Variants in PCNX1 observed in about 807,000 individuals in gnomAD.
The protein encoded by PCNX1 is pecanex 1, also known as pecanex-like protein 1.
A neutral mutation model predicts 242.2 loss-of-function variants in PCNX1; 78 were observed. The ratio of observed to expected loss-of-function variants is 0.32; its 90% CI spans 0.27 to 0.39. The LOEUF is 0.39. PCNX1 is among the 10% of genes least tolerant of loss of function. PCNX1 has a pLI of 1.00. For synonymous variants in PCNX1, 1,024 were observed against 1,032.9 expected (o/e 0.99, Z 0.17); for missense variants, 2,581 against 2,856.5 (o/e 0.90, Z 2.20).
At chr14:70,925,644 GCTTGT>G (rs1009248945) in intron 1 of PCNX1, among the ~76,000 whole-genome samples, 5 of 110,556 alleles carry the variant, frequency 4.5e-5, no homozygotes, top group Non-Finnish European at 9.1e-5. Context: ...CTTTTTATTT[GCTTGT>G]CTTAATTTTG....
At chr14:71,042,796 G>T (rs2060748252) in intron 19 of PCNX1, among the ~76,000 whole-genome samples, 1 of 151,940 alleles carries the variant, frequency 6.6e-6, no homozygotes, top group Non-Finnish European at 1.5e-5. Context: ...CATATCCTTT[G>T]TTCCTTTCTT....
chr14:71,062,615 A>T (rs373923186), intron 26 of PCNX1, among the ~76,000 whole-genome samples: 10 of 152,234 alleles, frequency 6.6e-5, no homozygotes, highest in African/African-American at 9.6e-5. Flanking sequence ...CAAAAAGTTT[A>T]AAAAAATTGA....
intron 27 of PCNX1, 122 bp downstream of exon 27, chr14:71,073,920 T>C (rs1432183947): frequency 5.1e-6 from 3 of 589,192 alleles, no homozygotes; most frequent in African/African-American, 1.9e-5. Context: ...CAAGTACTTA[T>C]TTAAATTCTC....
intron 1 of PCNX1, among the ~76,000 whole-genome samples, chr14:70,918,407 A>G (rs979435302): frequency 1.3e-5 from 2 of 152,242 alleles, no homozygotes; most frequent in Non-Finnish European, 2.9e-5. Flanking sequence ...TACTCCCATC[A>G]ACAAATCTTT....
chr14:70,910,031 CCCTCCTCCTCCT>C (rs146962491), intron 1 of PCNX1, among the ~76,000 whole-genome samples: 7 of 9,618 alleles, frequency 7.3e-4, no homozygotes, highest in African/African-American at 4.4e-3. Context: ...GACGACTCCT[CCCTCCTCCTCCT>C]CCTCCTCCTC....
chr14:70,990,838 A>T (rs1284029140), intron 7 of PCNX1, among the ~76,000 whole-genome samples: 1 of 152,154 alleles, frequency 6.6e-6, no homozygotes, highest in Non-Finnish European at 1.5e-5. Flanking sequence ...TAGTCTCAAC[A>T]TGTAGAAAGA....
intron 3 of PCNX1, among the ~76,000 whole-genome samples, chr14:70,967,787 A>C (rs989087901): frequency 1.3e-5 from 2 of 152,206 alleles, no homozygotes; most frequent in East Asian, 1.9e-4. Context: ...TTGTCTGCCA[A>C]ACCTTCCTTT....
chr14:71,098,896 CT>C (rs1448717396), intron 30 of PCNX1, among the ~76,000 whole-genome samples: 4 of 152,126 alleles, frequency 2.6e-5, no homozygotes, highest in Non-Finnish European at 5.9e-5. Context: ...AAGGGGGATG[CT>C]TCCAGCTTTT....
intron 1 of PCNX1, among the ~76,000 whole-genome samples, chr14:70,944,126 C>A (rs538975013): frequency 2.2e-4 from 34 of 152,290 alleles, no homozygotes; most frequent in African/African-American, 8.2e-4. Context: ...CTGGGCATGG[C>A]CTAACAGAGC....
chr14:71,005,518 A>G (rs867918447), intron 8 of PCNX1, among the ~76,000 whole-genome samples: 127 of 147,054 alleles, frequency 8.6e-4, no homozygotes, highest in South Asian at 1.9e-3. Flanking sequence ...AAAAAAAAAA[A>G]GGGGGGGTGG....
At chr14:70,959,339 A>C in intron 2 of PCNX1, among the ~76,000 whole-genome samples, 2 of 147,150 alleles carry the variant, frequency 1.4e-5, no homozygotes, top group African/African-American at 2.5e-5. Flanking sequence ...TTAACTCGTC[A>C]TTTAGCATTA....
rs571433452 is a variant in PCNX1 at position 71,043,698 on chromosome 14, T to C, written c.3868-1435T>C. 3.3e-5 allele frequency among the ~76,000 whole-genome samples: 5 copies of C among 152,336 alleles called. No homozygotes were observed. In the East Asian group the frequency reaches 7.7e-4, roughly 23 times the overall value. On this transcript the variant is annotated intron_variant, in intron 19 of 35. Transcript: ENST00000304743. ...GGTTCCCTTTTATGAAATATCTCTTTGTTGAGTTTCTCATTTAGGTCATGA... is the reference window on the plus strand; with the variant it reads ...GGTTCCCTTTTATGAAATATCTCTTCGTTGAGTTTCTCATTTAGGTCATGA...
intron 1 of PCNX1, among the ~76,000 whole-genome samples, chr14:70,946,242 T>C (rs2057451155): frequency 6.6e-6 from 1 of 152,266 alleles, no homozygotes; most frequent in African/African-American, 2.4e-5. Context: ...GGATTTTGCA[T>C]GTCTTCCATA....
chr14:71,033,647 G>T, intron 17 of PCNX1, 109 bp downstream of exon 17: 1 of 652,452 alleles, frequency 1.5e-6, no homozygotes, highest in African/African-American at 1.8e-5. Flanking sequence ...AAGTGCTTTG[G>T]CCTAATCTAT....
chr14:71,113,915 T>C lies in PCNX1; in HGVS notation c.*3980T>C, dbSNP rs1472674795. 6.6e-6 allele frequency: 1 copy of C among 152,190 alleles called. No individual in the cohort carries two copies. The highest frequency in any genetic ancestry group is 1.5e-5 in the Non-Finnish European group (1 of 68,018). 9.4% of individuals were successfully genotyped at this position (152,190 alleles called of 1,614,324 possible). On this transcript the variant is annotated 3_prime_UTR_variant, in exon 36 of 36. Transcript: ENST00000304743. ...ATTATTCATTCGTATTCTTTTTCTGTGTAATGTAATCATATAAAGTTACTT... is the reference window on the plus strand; with the variant it reads ...ATTATTCATTCGTATTCTTTTTCTGCGTAATGTAATCATATAAAGTTACTT...
intron 19 of PCNX1, among the ~76,000 whole-genome samples, chr14:71,040,845 G>T (rs911721191): frequency 6.6e-6 from 1 of 150,404 alleles, no homozygotes; most frequent in African/African-American, 2.4e-5. Flanking sequence ...TACCCTTCCC[G>T]GTCGCTGATA....
In PCNX1 at chr14:70,977,688, A is replaced by C; in HGVS notation, c.1351A>C (p.Ser451Arg). Residue 451 changes from serine (S) to arginine (R), a missense_variant, in exon 6 of 36, where the codon AGT becomes CGT. Physicochemically the swap from Ser to Arg is moderately radical, Grantham distance 110. This residue lies in a region of PCNX1 where 1,204 missense variants were observed against 1,216.7 expected (regional missense o/e 0.99). Coordinates refer to ENST00000304743, the MANE Select transcript of PCNX1 (RefSeq NM_014982.3). ...CTGTGCCAGTGACAAAAGGACTAGCAGTGAAAAGATTGCTATGGAAGCGAG... is the reference window on the plus strand; with the variant it reads ...CTGTGCCAGTGACAAAAGGACTAGCCGTGAAAAGATTGCTATGGAAGCGAG... Reference protein sequence around the residue: ...NSCASDKRTSSEKIAMEASTN... With the variant: ...NSCASDKRTSREKIAMEASTN... 1 of 1,614,200 alleles carries C rather than the reference A, an allele frequency of 6.2e-7. No individual in the cohort carries two copies. The highest frequency in any genetic ancestry group is 1.1e-5 in the South Asian group (1 of 91,082).
In PCNX1 at chr14:70,948,678, T is replaced by TGTGTATATATACAC. The variant is rs1313152025; in HGVS notation, c.362+1570_362+1583dup. ...GTATATATACACGTGTCTATATAGA[T>TGTGTATATATACAC]GTGTATATATACACGTGTATATATA... On this transcript the variant is annotated intron_variant, in intron 2 of 35. Coordinates refer to ENST00000304743, the MANE Select transcript of PCNX1 (RefSeq NM_014982.3). Among the ~76,000 whole-genome samples, 26 of 150,442 alleles carry TGTGTATATATACAC rather than the reference T, an allele frequency of 1.7e-4. No homozygotes were observed. The East Asian group carries it at 2.6e-3, about 15-fold the overall frequency.
intron 6 of PCNX1, among the ~76,000 whole-genome samples, chr14:70,988,195 A>G (rs564921108): frequency 2.6e-5 from 4 of 152,330 alleles, no homozygotes; most frequent in African/African-American, 4.8e-5. Flanking sequence ...AAACTAATCA[A>G]TACTGTGCTT....
Sources: gnomAD v4.1 joint callset for allele counts (sites outside exome capture counted in the v4.1 genomes callset) on GRCh38, gnomAD v4.1.1 for gene constraint, gnomAD v4.1.1 regional missense constraint, MANE v1.5 for transcripts, NCBI Gene and HGNC (gene_info 2026-07-23, HGNC 2026-07-21) for gene names.